Variants in MAT2A observed in about 807,000 individuals in gnomAD.
MAT2A encodes the protein methionine adenosyltransferase 2A.
Under a neutral mutation model 43.9 loss-of-function variants are expected in MAT2A, and 3 were observed. The ratio of observed to expected loss-of-function variants is 0.07; its 90% CI spans 0.03 to 0.18. The LOEUF (loss-of-function observed/expected upper bound fraction) is 0.18, where lower values mean the gene tolerates loss of function less well. Among genes scored for constraint, MAT2A ranks in the 10% least tolerant of loss-of-function variants. The pLI, the probability that MAT2A is intolerant of heterozygous loss-of-function variation, is 1.00. For synonymous variants in MAT2A, 200 were observed against 168.4 expected (o/e 1.19, Z -1.45); for missense variants, 204 against 489.0 (o/e 0.42, Z 5.50).
chr2:85,539,436 G>A (rs1342409320), intron 1 of MAT2A, 58 bp downstream of exon 1: 3 of 1,391,226 alleles, frequency 2.2e-6, no homozygotes, highest in Admixed American at 2.4e-5. Flanking sequence ...GCCAAGGTCC[G>A]GCTGGCTGCG....
intron 1 of MAT2A, chr2:85,540,119 A>G (rs1005588480): frequency 2.0e-5 from 3 of 152,262 alleles, no homozygotes; most frequent in African/African-American, 4.8e-5. Context: ...TCGCATTTAA[A>G]GTCTTCGGTG....
intron 1 of MAT2A, among the ~76,000 whole-genome samples, chr2:85,540,502 C>A (rs943037821): frequency 6.6e-6 from 1 of 152,178 alleles, no homozygotes; most frequent in South Asian, 2.1e-4. Context: ...CTGTTTTAGG[C>A]GGTTATAGAA....
chr2:85,539,583 C>G (rs183993455), intron 1 of MAT2A: 2 of 457,510 alleles, frequency 4.4e-6, no homozygotes, highest in East Asian at 7.8e-5. Flanking sequence ...CCTCTCCACC[C>G]TTCCCTTCCC....
chr2:85,542,024 A>C (rs372890642), intron 5 of MAT2A, 52 bp downstream of exon 5: 550 of 1,600,760 alleles, frequency 3.4e-4, no homozygotes, highest in Non-Finnish European at 4.3e-4. Flanking sequence ...TCAGCACAGA[A>C]GATCCATAAT....
intron 6 of MAT2A, 88 bp from the exon 7 acceptor site, chr2:85,542,477 A>C: frequency 6.5e-7 from 1 of 1,529,844 alleles, no homozygotes. Context: ...GAATCATCGG[A>C]GGATATTTGC....
In MAT2A at chr2:85,542,277, G is replaced by A; in HGVS notation, c.672G>A (p.Glu224=). The change falls in exon 6 of 9, where the codon GAG becomes GAA. Residue 224 remains glutamate (E), a synonymous_variant. Coordinates refer to ENST00000306434, the MANE Select transcript of MAT2A (RefSeq NM_005911.6). ...CLDEMRDALK[E]KVIKAVVPAK... ...ATGAAATGAGGGATGCCCTAAAGGA[G>A]AAAGTCATCAAAGCAGTTGTGCCTG... The A allele has an allele frequency of 6.2e-7, 1 of 1,614,162 alleles. No homozygotes were observed. Among genetic ancestry groups the A allele is most frequent in the Non-Finnish European group, 8.5e-7 (1 of 1,180,004 alleles).
Position 85,542,570 on chromosome 2 carries a change from T to C in MAT2A, c.774T>C (p.Asp258=). 1 of 1,613,878 alleles carries C rather than the reference T, an allele frequency of 6.2e-7. No individual in the cohort carries two copies. Among genetic ancestry groups the C allele is most frequent in the Non-Finnish European group, 8.5e-7 (1 of 1,179,832 alleles). The change falls in exon 7 of 9, where the codon GAT becomes GAC. Residue 258 remains aspartate (D), a synonymous_variant. Coordinates refer to ENST00000306434, the MANE Select transcript of MAT2A (RefSeq NM_005911.6). The part of the protein sequence containing the change: ...GRFVIGGPQG[D]AGLTGRKIIV... ...CTTAAATCCTGTAATTTCAGGGTGA[T>C]GCTGGTTTGACTGGACGCAAAATCA...
intron 1 of MAT2A, among the ~76,000 whole-genome samples, chr2:85,540,584 G>C (rs759405033): frequency 6.6e-6 from 1 of 152,230 alleles, no homozygotes; most frequent in Admixed American, 6.5e-5. Flanking sequence ...AAAGCAGGGA[G>C]ACATGGATTC....
intron 3 of MAT2A, 68 bp from the exon 4 acceptor site, chr2:85,541,565 C>A: frequency 7.3e-7 from 1 of 1,371,846 alleles, no homozygotes; most frequent in Admixed American, 2.2e-5. Context: ...GTTTAGAATT[C>A]CAGATAATTG....
At chr2:85,540,309 T>C (rs573035173) in intron 1 of MAT2A, among the ~76,000 whole-genome samples, 26 of 152,338 alleles carry the variant, frequency 1.7e-4, no homozygotes, top group Admixed American at 5.2e-4. Flanking sequence ...GCAGTAGTTA[T>C]CTATCTGGTG....
In MAT2A at chr2:85,541,274, A is replaced by C; in HGVS notation, c.189A>C (p.Gly63=). The C allele has an allele frequency of 6.2e-7, 1 of 1,614,050 alleles. No homozygotes were observed. Among genetic ancestry groups the C allele is most frequent in the Non-Finnish European group, 8.5e-7 (1 of 1,179,990 alleles). The part of the protein sequence containing the change: ...KVACETVAKT[G]MILLAGEITS... Reference sequence around the variant, plus strand: ...TATTAGAAACTGTTGCTAAAACTGGAATGATCCTTCTTGCTGGGGAAATTA... The same window carrying C: ...TATTAGAAACTGTTGCTAAAACTGGCATGATCCTTCTTGCTGGGGAAATTA... Residue 63 remains glycine, a synonymous_variant, in exon 3 of 9, where the codon GGA becomes GGC. Transcript: ENST00000306434.
In MAT2A at chr2:85,544,014, T is replaced by G. The variant is rs1337599363; in HGVS notation, c.*242T>G. 1 of 361,032 alleles carries G rather than the reference T, an allele frequency of 2.8e-6. No individual in the cohort carries two copies. Among genetic ancestry groups the G allele is most frequent in the East Asian group, 4.8e-5 (1 of 20,674 alleles). 22.4% of individuals were successfully genotyped at this position (361,032 alleles called of 1,614,324 possible). A position where few individuals can be genotyped will look rare whatever the true frequency, so the allele number is the denominator to read the frequency against. ...GAATTTAGTGAGCATAGGTGATCCA[T>G]GTAACTGCCTAGAAACAACACTGTA... On this transcript the variant is annotated 3_prime_UTR_variant, in exon 9 of 9. Transcript: ENST00000306434.
intron 8 of MAT2A, chr2:85,543,261 AGATTT>A (rs1691524680): frequency 2.0e-6 from 1 of 508,840 alleles, no homozygotes; most frequent in African/African-American, 1.9e-5. Context: ...AGAATGTTCC[AGATTT>A]GATATTTGAG....
intron 1 of MAT2A, 186 bp downstream of exon 1, chr2:85,539,564 T>TCCCCCTCCCCTCTCCACCCTTCCCTTC: frequency 8.3e-6 from 4 of 480,766 alleles, no homozygotes; most frequent in South Asian, 3.0e-5. Context: ...CCGCTCCTCT[T>TCCCCCTCCCCTCTCCACCCTTCCCTTC]CCCCCTCCCC....
At position 85,545,164 on chromosome 2, in the gene MAT2A, T is replaced by C. The variant is rs1335176210; in HGVS notation, c.*1392T>C. On this transcript the variant is annotated 3_prime_UTR_variant, in exon 9 of 9. Transcript: ENST00000306434. ...GTTTACATGCTTATTCCATGACTGC[T>C]TGCCCTAAGCAGAAAGTGCCTTTCA... is the stretch of plus-strand genomic sequence containing the variant. 6.6e-6 allele frequency: 1 copy of C among 152,630 alleles called. No individual in the cohort carries two copies. The highest frequency in any genetic ancestry group is 1.5e-5 in the Non-Finnish European group (1 of 68,038). The allele number at this position is 152,630 out of a possible 1,614,324, so 9.5% of individuals were successfully genotyped here.
chr2:85,542,735 G>A lies in MAT2A; in HGVS notation c.939G>A (p.Arg313=), dbSNP rs1691506636. The A allele has an allele frequency of 1.2e-6, 2 of 1,611,236 alleles. No homozygotes were observed. Among genetic ancestry groups the A allele is most frequent in the Admixed American group, 3.4e-5 (2 of 59,674 alleles). The change falls in exon 7 of 9, where the codon AGG becomes AGA. Residue 313 remains arginine (R), a synonymous_variant. Transcript: ENST00000306434. ...KSLVKGGLCR[R]VLVQVSYAIG... ...TTGTTAAAGGAGGTCTGTGCCGGAG[G>A]GTTCTTGTTCAGGTATACACTCTTT...
Position 85,541,367 on chromosome 2 carries a change from T to G in MAT2A, c.282T>G (p.Asp94Glu), listed in dbSNP as rs1452543409. 1.2e-6 allele frequency: 2 copies of G among 1,612,756 alleles called. No homozygotes were observed. The highest frequency in any genetic ancestry group is 3.3e-5 in the Admixed American group (2 of 59,948). Residue 94 changes from aspartate to glutamate, a missense_variant, in exon 3 of 9, where the codon GAT (aspartate) becomes GAG (glutamate). This residue lies in a region of MAT2A where 103 missense variants were observed against 226.4 expected (regional missense o/e 0.45). Coordinates refer to ENST00000306434, the MANE Select transcript of MAT2A (RefSeq NM_005911.6). ...REAVKHIGYD[D>E]SSKGFDYKTC... is the part of the protein sequence containing the mutation. Reference sequence around the variant, plus strand: ...CTGTTAAACACATTGGATATGATGATTCTTCCAAAGGTGTGTTTTAATGAT... The same window carrying G: ...CTGTTAAACACATTGGATATGATGAGTCTTCCAAAGGTGTGTTTTAATGAT...
chr2:85,542,771 C>G (rs766673561), intron 7 of MAT2A, 24 bp downstream of exon 7: 4 of 1,579,716 alleles, frequency 2.5e-6, no homozygotes, highest in Non-Finnish European at 3.5e-6. Context: ...ATATAACGAA[C>G]GATTAAAAGT....
chr2:85,543,929 T>TG lies in MAT2A; in HGVS notation c.*162dup, dbSNP rs1407707065. On this transcript the variant is annotated 3_prime_UTR_variant, in exon 9 of 9. Coordinates refer to ENST00000306434, the MANE Select transcript of MAT2A (RefSeq NM_005911.6). The stretch of plus-strand genomic sequence containing the variant: ...TCAATGACATGAATTTTAGCTTTTG[T>TG]GGGGGACTGTAAGTTGGGCTTGCTA... 1 of 573,548 alleles carries TG rather than the reference T, an allele frequency of 1.7e-6. No homozygotes were observed. The highest frequency in any genetic ancestry group is 3.2e-6 in the Non-Finnish European group (1 of 315,900). The allele number at this position is 573,548 out of a possible 1,614,324, so 35.5% of individuals were successfully genotyped here.
Sources: gnomAD v4.1 joint callset for allele counts (sites outside exome capture counted in the v4.1 genomes callset) on GRCh38, gnomAD v4.1.1 for gene constraint, gnomAD v4.1.1 regional missense constraint, MANE v1.5 for transcripts, NCBI Gene and HGNC (gene_info 2026-07-23, HGNC 2026-07-21) for gene names.